The following PAM variants were observed in gnomAD, a reference collection of about 807,000 sequenced individuals.
PAM encodes peptidyl-glycine alpha-amidating monooxygenase.
In PAM, 72 loss-of-function variants were observed where a neutral mutation model predicts 122.1. The observed-to-expected ratio is 0.59, with a 90% CI of 0.49 to 0.72. PAM has a LOEUF of 0.72. PAM is among the 30% of genes least tolerant of loss of function. The pLI is 0.00. For synonymous variants in PAM, 389 were observed against 404.4 expected, an observed-to-expected ratio of 0.96 and a Z score of 0.46; for missense variants, 1,106 against 1,183.7, an observed-to-expected ratio of 0.93 and a Z score of 0.96.
intron 3 of PAM, among the ~76,000 whole-genome samples, chr5:102,887,561 G>T (rs1793526987): frequency 6.6e-6 from 1 of 151,926 alleles, no homozygotes; most frequent in Admixed American, 6.6e-5. Flanking sequence ...GCTTGATTAG[G>T]CAGTTAGACT....
chr5:102,870,570 T>A (rs748535619), intron 3 of PAM, among the ~76,000 whole-genome samples: 1 of 152,208 alleles, frequency 6.6e-6, no homozygotes, highest in African/African-American at 2.4e-5. Flanking sequence ...AGTGGTTTAT[T>A]ATCTGTTGCA....
At chr5:102,829,565 G>A (rs1448222551) in intron 1 of PAM, among the ~76,000 whole-genome samples, 12 of 152,046 alleles carry the variant, frequency 7.9e-5, no homozygotes, top group South Asian at 4.2e-4. Flanking sequence ...TAGTAGAGAC[G>A]AGGTTTCACC....
intron 1 of PAM, among the ~76,000 whole-genome samples, chr5:102,778,096 A>G (rs2149823750): frequency 6.6e-6 from 1 of 152,270 alleles, no homozygotes; most frequent in Non-Finnish European, 1.5e-5. Context: ...GACAGAAAAA[A>G]AATTAAAGGA....
At chr5:102,816,530 C>A (rs183529389) in intron 1 of PAM, among the ~76,000 whole-genome samples, 1 of 152,134 alleles carries the variant, frequency 6.6e-6, no homozygotes, top group African/African-American at 2.4e-5. Context: ...TCCTTCAAAG[C>A]CACTCACATC....
At chr5:103,022,593 G>A (rs1156533135) in intron 23 of PAM, among the ~76,000 whole-genome samples, 7 of 152,058 alleles carry the variant, frequency 4.6e-5, no homozygotes. Context: ...TGCTACAAGG[G>A]CTTGCACTCT....
chr5:102,763,632 G>C (rs1753047396), intron 1 of PAM, among the ~76,000 whole-genome samples: 1 of 152,210 alleles, frequency 6.6e-6, no homozygotes, highest in African/African-American at 2.4e-5. Flanking sequence ...TGAAGTATGA[G>C]TAGGAGAATG....
At chr5:102,903,578 C>T (rs1006698101) in intron 4 of PAM, among the ~76,000 whole-genome samples, 3 of 151,424 alleles carry the variant, frequency 2.0e-5, no homozygotes, top group East Asian at 2.0e-4. Flanking sequence ...ATTTATGTAA[C>T]GGCTGGACCG....
At position 102,865,943 on chromosome 5, in the gene PAM, A is replaced by C. The variant is rs901912734; in HGVS notation, c.-253A>C. ...AGGGCACGCGAGCGGCGCTGGAGGG[A>C]GGAAAGCTTCCGCCTGCGGGCCGGA... On this transcript the variant is annotated 5_prime_UTR_variant, in exon 2 of 26. Transcript: ENST00000438793. 9 of 418,016 alleles carry C rather than the reference A, an allele frequency of 2.2e-5. No individual in the cohort carries two copies. Among genetic ancestry groups the C allele is most frequent in the Non-Finnish European group, 3.8e-5 (9 of 239,300 alleles). 25.9% of individuals were successfully genotyped at this position (418,016 alleles called of 1,614,324 possible). A position where few individuals can be genotyped will look rare whatever the true frequency, so the allele number is the denominator to read the frequency against.
intron 7 of PAM, among the ~76,000 whole-genome samples, chr5:102,928,421 G>T (rs1004614997): frequency 6.6e-6 from 1 of 152,198 alleles, no homozygotes; most frequent in South Asian, 2.1e-4. Context: ...GTAAGAGACA[G>T]ATAAGAAATT....
At position 102,872,413 on chromosome 5, in the gene PAM, T is replaced by C. The variant is rs888244437; in HGVS notation, c.210+5020T>C. Among the ~76,000 whole-genome samples the C allele has an allele frequency of 2.6e-5, 4 of 152,222 alleles. No individual in the cohort carries two copies. The East Asian group carries it at 5.8e-4, about 22-fold the overall frequency. On this transcript the variant is annotated intron_variant, in intron 3 of 25. Transcript: ENST00000438793. ...GAATGAACAAAATACTCCTACAAAA[T>C]GTTCTCAAAATCTTCCCACTGTGTT... is the stretch of plus-strand genomic sequence containing the variant.
At chr5:102,771,124 T>C (rs891599696) in intron 1 of PAM, among the ~76,000 whole-genome samples, 4 of 152,110 alleles carry the variant, frequency 2.6e-5, no homozygotes, top group African/African-American at 9.7e-5. Flanking sequence ...CGTTAAGCAT[T>C]TTGGGAGTTA....
intron 1 of PAM, among the ~76,000 whole-genome samples, chr5:102,759,753 C>T (rs57968277): frequency 0.029 from 4,371 of 152,190 alleles, 110 homozygotes; most frequent in East Asian, 0.14. Flanking sequence ...GCAAGGGAAG[C>T]ACTGGCTTTG....
At chr5:102,871,115 C>T (rs1339101680) in intron 3 of PAM, among the ~76,000 whole-genome samples, 2 of 152,200 alleles carry the variant, frequency 1.3e-5, no homozygotes, top group Non-Finnish European at 2.9e-5. Flanking sequence ...TGGGGCTGGG[C>T]TGACAGCATC....
At chr5:102,772,381 A>T (rs1307721544) in intron 1 of PAM, among the ~76,000 whole-genome samples, 2 of 152,076 alleles carry the variant, frequency 1.3e-5, no homozygotes, top group Admixed American at 1.3e-4. Flanking sequence ...GGGTGTTTGA[A>T]AATGGCCTGT....
intron 1 of PAM, among the ~76,000 whole-genome samples, chr5:102,863,170 T>A (rs1262404326): frequency 6.9e-6 from 1 of 145,284 alleles, no homozygotes; most frequent in African/African-American, 2.9e-5. Context: ...ATTTTATGGA[T>A]ATGTAAACAG....
intron 3 of PAM, among the ~76,000 whole-genome samples, chr5:102,881,462 A>G (rs1791057408): frequency 2.0e-5 from 3 of 152,066 alleles, no homozygotes; most frequent in Admixed American, 2.0e-4. Context: ...ACAGTTTCAT[A>G]CATTGCTGGT....
rs543823836 is a variant in PAM at position 102,856,565 on chromosome 5, T to C, written c.-373-9258T>C. Among the ~76,000 whole-genome samples, 5 of 152,348 alleles carry C rather than the reference T, an allele frequency of 3.3e-5. No individual in the cohort carries two copies. In the South Asian group the frequency reaches 1.0e-3, roughly 32 times the overall value. On this transcript the variant is annotated intron_variant, in intron 1 of 25. Coordinates refer to ENST00000438793, the MANE Select transcript of PAM (RefSeq NM_001177306.2). The stretch of plus-strand genomic sequence containing the variant: ...CATGTGTTAGGAAGCAACATTTGTA[T>C]TAGTCAAAGCTGAGGAATTTAATTA...
At chr5:102,808,828 A>G (rs376258446) in intron 1 of PAM, among the ~76,000 whole-genome samples, 25 of 152,328 alleles carry the variant, frequency 1.6e-4, no homozygotes, top group South Asian at 4.1e-4. Context: ...TAGCTTTTCA[A>G]TATCTCACAC....
At chr5:102,977,923 T>C (rs1220828250) in intron 15 of PAM, among the ~76,000 whole-genome samples, 1 of 152,160 alleles carries the variant, frequency 6.6e-6, no homozygotes, top group Non-Finnish European at 1.5e-5. Context: ...AATAGTATAC[T>C]CCTCGCAGAG....
Sources: gnomAD v4.1 joint callset for allele counts (sites outside exome capture counted in the v4.1 genomes callset) on GRCh38, gnomAD v4.1.1 for gene constraint, MANE v1.5 for transcripts, NCBI Gene and HGNC (gene_info 2026-07-23, HGNC 2026-07-21) for gene names.